BRINP1: variants seen among roughly 807,000 people sequenced by gnomAD.
The protein encoded by BRINP1 is BMP/retinoic acid-inducible neural-specific protein 1.
A neutral mutation model predicts 72.9 loss-of-function variants in BRINP1; 17 were observed. The ratio of observed to expected loss-of-function variants is 0.23; its 90% CI spans 0.16 to 0.35. The LOEUF (loss-of-function observed/expected upper bound fraction) is 0.35. BRINP1 is among the 10% of genes least tolerant of loss of function. BRINP1 has a pLI of 1.00. For synonymous variants in BRINP1, 418 were observed against 378.5 expected (o/e 1.10, Z -1.21); for missense variants, 850 against 1,001.6 (o/e 0.85, Z 2.04).
At chr9:119,194,585 G>T (rs1316938892) in intron 7 of BRINP1, among the ~76,000 whole-genome samples, 1 of 152,228 alleles carries the variant, frequency 6.6e-6, no homozygotes, top group East Asian at 1.9e-4. Context: ...GAAGTCTGAA[G>T]TGTGAGAAGG....
intron 2 of BRINP1, among the ~76,000 whole-genome samples, chr9:119,303,510 C>T (rs553586236): frequency 2.6e-5 from 4 of 152,228 alleles, no homozygotes; most frequent in African/African-American, 7.2e-5. Flanking sequence ...TAGACTCTCG[C>T]GAATCGTGGG....
chr9:119,281,475 T>C (rs1456790077), intron 2 of BRINP1, among the ~76,000 whole-genome samples: 2 of 151,748 alleles, frequency 1.3e-5, no homozygotes, highest in East Asian at 3.9e-4. Flanking sequence ...AAAGAAGGGA[T>C]CAGGGAGAAG....
Position 119,238,657 on chromosome 9 carries a change from T to C in BRINP1, c.683A>G (p.Gln228Arg). ...CACTTTTTCCACTGGCTTCCTACCTTGAAGGTGCAGTTTGCTCTCCGTGCT... is the reference window on the plus strand; with the variant it reads ...CACTTTTTCCACTGGCTTCCTACCTCGAAGGTGCAGTTTGCTCTCCGTGCT... ...LQSTESKLHLQGLQIIFPQYL... is the reference protein window; with the variant it reads ...LQSTESKLHLRGLQIIFPQYL... The change falls in exon 5 of 8, where the codon CAA becomes CGA. Residue 228 changes from glutamine (Q) to arginine (R), a missense_variant and splice_region_variant. Coordinates refer to ENST00000265922, the MANE Select transcript of BRINP1 (RefSeq NM_014618.3). 1.2e-6 allele frequency: 2 copies of C among 1,601,286 alleles called. No homozygotes were observed. Among genetic ancestry groups the C allele is most frequent in the African/African-American group, 2.7e-5 (2 of 74,580 alleles).
Position 119,167,566 on chromosome 9 carries a change from G to C in BRINP1, c.1804C>G (p.Leu602Val). 2 of 1,614,230 alleles carry C rather than the reference G, an allele frequency of 1.2e-6. No individual in the cohort carries two copies. The highest frequency in any genetic ancestry group is 1.1e-5 in the South Asian group (1 of 91,092). The change falls in exon 8 of 8, where the codon CTT (leucine) becomes GTT (valine). Residue 602 changes from leucine to valine, a missense_variant. By Grantham distance (32) the Leu-to-Val change is conservative (BLOSUM62 1). Transcript: ENST00000265922. The surrounding 1 kb of genome is among the most constrained non-coding windows in gnomAD (Gnocchi z 4.3). ...LQNSQCYNWT[L>V]LLGNRWKTFF... ...GTTTTCCACCGATTGCCCAGCAAAA[G>C]AGTCCAGTTGTAGCACTGGCTGTTT...
At chr9:119,213,775 T>C (rs1459188988) in intron 6 of BRINP1, 144 bp downstream of exon 6, 2 of 701,674 alleles carry the variant, frequency 2.9e-6, no homozygotes, top group Non-Finnish European at 5.1e-6. Flanking sequence ...TGACAGCTAT[T>C]ATACTTGCAT....
intron 1 of BRINP1, among the ~76,000 whole-genome samples, chr9:119,321,035 A>G (rs1831181022): frequency 6.6e-6 from 1 of 151,656 alleles, no homozygotes; most frequent in South Asian, 2.1e-4. Flanking sequence ...GGTTCACGCC[A>G]TTCTCCTGCC....
intron 2 of BRINP1, among the ~76,000 whole-genome samples, chr9:119,293,757 GA>G (rs1212838783): frequency 6.6e-6 from 1 of 151,492 alleles, no homozygotes; most frequent in Non-Finnish European, 1.5e-5. Flanking sequence ...GAAGAGAAAA[GA>G]AAAAAAAGAA....
chr9:119,246,659 A>G lies in BRINP1; in HGVS notation c.409+2301T>C, dbSNP rs556563856. On this transcript the variant is annotated intron_variant, in intron 3 of 7. Coordinates refer to ENST00000265922, the MANE Select transcript of BRINP1 (RefSeq NM_014618.3). ...GGTGAACAGCCGGAGGCAGGACTAGAAGCCAGGTGATCAAACTCTAGAGCC... is the reference window on the plus strand; with the variant it reads ...GGTGAACAGCCGGAGGCAGGACTAGGAGCCAGGTGATCAAACTCTAGAGCC... Among the ~76,000 whole-genome samples the G allele has an allele frequency of 2.6e-5, 4 of 152,328 alleles. No individual in the cohort carries two copies. The South Asian group carries it at 8.3e-4, about 32-fold the overall frequency.
intron 7 of BRINP1, among the ~76,000 whole-genome samples, chr9:119,193,382 T>G (rs1461200169): frequency 6.6e-6 from 1 of 151,984 alleles, no homozygotes; most frequent in Non-Finnish European, 1.5e-5. Context: ...AGAGCTCAAA[T>G]ACACAGAGAC....
intron 2 of BRINP1, among the ~76,000 whole-genome samples, chr9:119,250,766 C>A (rs943266707): frequency 6.6e-6 from 1 of 152,134 alleles, no homozygotes; most frequent in African/African-American, 2.4e-5. Context: ...GCAGCTCCCC[C>A]AGAATGACCA....
chr9:119,170,764 C>T (rs1219687168), intron 7 of BRINP1, among the ~76,000 whole-genome samples: 1 of 131,412 alleles, frequency 7.6e-6, no homozygotes. Context: ...GGAAGCCCAT[C>T]AGACTAACAG....
chr9:119,242,499 C>A (rs1429789043), intron 3 of BRINP1, among the ~76,000 whole-genome samples: 1 of 152,092 alleles, frequency 6.6e-6, no homozygotes, highest in Non-Finnish European at 1.5e-5. Flanking sequence ...ATAACAAAAC[C>A]CTCTTCCCCT....
chr9:119,242,421 TA>T (rs1449567465), intron 3 of BRINP1, among the ~76,000 whole-genome samples: 1 of 152,136 alleles, frequency 6.6e-6, no homozygotes, highest in Non-Finnish European at 1.5e-5. Flanking sequence ...CAAGGATCAT[TA>T]AAAAACCCCC....
At chr9:119,185,345 T>C (rs188871944) in intron 7 of BRINP1, among the ~76,000 whole-genome samples, 80 of 152,342 alleles carry the variant, frequency 5.3e-4, no homozygotes, top group African/African-American at 1.5e-3. Flanking sequence ...AGACAGCGGC[T>C]GAAACCTTAA....
rs1829326934 is a variant in BRINP1, at chr9:119,167,281, A to T, written c.2089T>A (p.Leu697Met). 3.7e-6 allele frequency: 6 copies of T among 1,614,048 alleles called. No individual in the cohort carries two copies. Among genetic ancestry groups the T allele is most frequent in the African/African-American group, 1.3e-5 (1 of 74,912 alleles). The change falls in exon 8 of 8, where the codon TTG becomes ATG. Residue 697 changes from leucine to methionine, a missense_variant. Leu to Met is a conservative substitution (Grantham distance 15, BLOSUM62 2). Coordinates refer to ENST00000265922, the MANE Select transcript of BRINP1 (RefSeq NM_014618.3). This position sits in a 1 kb window ranked among gnomAD's most constrained non-coding sequence, Gnocchi z 4.3. Reference protein sequence around the residue: ...YSSSSVMLLLLDIRDRINRLA... With the variant: ...YSSSSVMLLLMDIRDRINRLA... The stretch of plus-strand genomic sequence containing the variant: ...CGATTAATTCGGTCCCGAATATCCA[A>T]CAAGAGGAGCATCACTGACGAAGAG...
chr9:119,192,051 G>T (rs1829689102), intron 7 of BRINP1, among the ~76,000 whole-genome samples: 1 of 151,914 alleles, frequency 6.6e-6, no homozygotes, highest in African/African-American at 2.4e-5. Context: ...ATTTCCCCAT[G>T]CAGACTAATG....
intron 2 of BRINP1, among the ~76,000 whole-genome samples, chr9:119,253,575 T>C (rs1039047554): frequency 6.6e-6 from 1 of 151,112 alleles, no homozygotes; most frequent in African/African-American, 2.4e-5. Context: ...AGATAGAGAG[T>C]GAAATGATGG....
chr9:119,179,330 C>CTGAT (rs1829526390), intron 7 of BRINP1, among the ~76,000 whole-genome samples: 3 of 152,160 alleles, frequency 2.0e-5, no homozygotes, highest in Admixed American at 6.5e-5. Context: ...TCAATTCATT[C>CTGAT]TGATAGGGGG....
Position 119,369,379 on chromosome 9 carries a change from C to A in BRINP1, c.-374G>T. Reference sequence around the variant, plus strand: ...TTCGCTCGCCTGCGCTCTCCTCCTCCCCGCGCGCCAGATCAGTTTGCAGCC... The same window carrying A: ...TTCGCTCGCCTGCGCTCTCCTCCTCACCGCGCGCCAGATCAGTTTGCAGCC... On this transcript the variant is annotated 5_prime_UTR_variant, in exon 1 of 8. Transcript: ENST00000265922. 1 of 397,460 alleles carries A rather than the reference C, an allele frequency of 2.5e-6. No individual in the cohort carries two copies. The highest frequency in any genetic ancestry group is 4.4e-6 in the Non-Finnish European group (1 of 225,528). The allele number at this position is 397,460 out of a possible 1,614,324, so 24.6% of individuals were successfully genotyped here. A position where few individuals can be genotyped will look rare whatever the true frequency, so the allele number is the denominator to read the frequency against.
Sources: allele counts gnomAD v4.1 joint callset (sites outside exome capture counted in the v4.1 genomes callset), GRCh38; gene constraint gnomAD v4.1.1; non-coding constraint Gnocchi (gnomAD v3.1); transcripts MANE v1.5; gene names NCBI Gene and HGNC (gene_info 2026-07-23, HGNC 2026-07-21).